Variants in WARS2 observed in about 807,000 individuals in gnomAD.
The protein encoded by WARS2 is tryptophan--tRNA ligase, mitochondrial.
Under a neutral mutation model 36.5 loss-of-function variants are expected in WARS2, and 28 were observed. The observed-to-expected ratio is 0.77, with a 90% CI of 0.57 to 1.05. The LOEUF (loss-of-function observed/expected upper bound fraction) is 1.05, where lower values mean the gene tolerates loss of function less well. Ranked by LOEUF, WARS2 falls within the 50% of genes least tolerant of loss-of-function variation. The pLI, the probability that WARS2 is intolerant of heterozygous loss-of-function variation, is 0.00. For synonymous variants in WARS2, 174 were observed against 178.4 expected, an observed-to-expected ratio of 0.98 and a Z score of 0.20; for missense variants, 435 against 456.8, an observed-to-expected ratio of 0.95 and a Z score of 0.44.
intron 2 of WARS2, among the ~76,000 whole-genome samples, chr1:119,048,534 T>A (rs1006929533): frequency 6.6e-6 from 1 of 152,176 alleles, no homozygotes. Context: ...TTTCCCTCAA[T>A]GGCAACATCA....
intron 2 of WARS2, among the ~76,000 whole-genome samples, chr1:119,046,287 T>TCCTCTCCTCC: frequency 1.3e-4 from 1 of 7,526 alleles, no homozygotes; most frequent in South Asian, 6.3e-3. Flanking sequence ...CCTTTTCTGT[T>TCCTCTCCTCC]TTTTTTTTTT....
At chr1:119,126,450 ACT>A (rs1655662527) in intron 1 of WARS2, 1 of 384,350 alleles carries the variant, frequency 2.6e-6, no homozygotes, top group Non-Finnish European at 4.8e-6. Context: ...GAATTCTCAC[ACT>A]CATGGTAACA....
chr1:119,089,514 C>T (rs587769521), intron 1 of WARS2, among the ~76,000 whole-genome samples: 1 of 152,260 alleles, frequency 6.6e-6, no homozygotes, highest in Non-Finnish European at 1.5e-5. Flanking sequence ...TGGCGTTGAA[C>T]ATGTACAAAA....
rs912133959 is a variant in WARS2, at chr1:119,034,197, C to G, written c.532G>C (p.Val178Leu). 1 of 1,613,928 alleles carries G rather than the reference C, an allele frequency of 6.2e-7. No homozygotes were observed. ...ATGTGCTGGACTTGATCCTCCCCAA[C>G]AGGAACGTGTGTGGACCTTTAATAA... Reference protein sequence around the residue: ...ILLYKSTHVPVGEDQVQHMEL... With the variant: ...ILLYKSTHVPLGEDQVQHMEL... The change falls in exon 5 of 6, where the codon GTT becomes CTT. Residue 178 changes from valine (V) to leucine (L), a missense_variant. Val to Leu is a conservative substitution (Grantham distance 32). Coordinates refer to ENST00000235521, the MANE Select transcript of WARS2 (RefSeq NM_015836.4).
intron 1 of WARS2, among the ~76,000 whole-genome samples, chr1:119,122,776 GTAACT>G (rs1226025338): frequency 6.6e-6 from 1 of 152,152 alleles, no homozygotes; most frequent in Non-Finnish European, 1.5e-5. Context: ...TCTAAGTGAA[GTAACT>G]TATGAATGGG....
chr1:119,088,547 A>G (rs1013643491), intron 1 of WARS2, among the ~76,000 whole-genome samples: 7 of 152,152 alleles, frequency 4.6e-5, no homozygotes, highest in Admixed American at 2.6e-4. Context: ...CTCTAATGCA[A>G]TGATTTAATC....
intron 2 of WARS2, 138 bp downstream of exon 2, chr1:119,076,212 G>GA (rs1651714766): frequency 2.8e-6 from 3 of 1,076,840 alleles, no homozygotes; most frequent in Non-Finnish European, 3.9e-6. Context: ...ACATTAAGCT[G>GA]AAAAAAATCA....
At chr1:119,053,998 A>T (rs903389950) in intron 2 of WARS2, among the ~76,000 whole-genome samples, 10 of 152,078 alleles carry the variant, frequency 6.6e-5, no homozygotes, top group Non-Finnish European at 1.5e-4. Context: ...TCAAGGCTGC[A>T]GTGAGCTATG....
chr1:119,059,227 TG>T (rs1461146634), intron 2 of WARS2, among the ~76,000 whole-genome samples: 1 of 152,094 alleles, frequency 6.6e-6, no homozygotes, highest in African/African-American at 2.4e-5. Flanking sequence ...ATGAGTAGGT[TG>T]TGAAAATTTT....
At chr1:119,073,147 C>G (rs1191432843) in intron 2 of WARS2, among the ~76,000 whole-genome samples, 2 of 147,730 alleles carry the variant, frequency 1.4e-5, no homozygotes, top group East Asian at 3.9e-4. Flanking sequence ...GACCATATCT[C>G]TAGTTCAAAA....
At chr1:119,098,909 G>C (rs587722024) in intron 1 of WARS2, among the ~76,000 whole-genome samples, 1 of 149,740 alleles carries the variant, frequency 6.7e-6, no homozygotes, top group African/African-American at 2.5e-5. Context: ...GCTAATTTTT[G>C]TATTTTTAGT....
intron 1 of WARS2, chr1:119,085,156 G>A (rs1408781555): frequency 1.5e-5 from 12 of 792,564 alleles, no homozygotes; most frequent in East Asian, 1.5e-4. Context: ...CCTGAGCTCC[G>A]CCCTCTGTCC....
chr1:119,042,684 C>A lies in WARS2; in HGVS notation c.430-335G>T, dbSNP rs190030800. On this transcript the variant is annotated intron_variant, in intron 3 of 5. Transcript: ENST00000235521. ...AAATTCCAGATTTCACAGACAAGGC[C>A]ACAAACCGTCATGAAATTAAATCTC... Among the ~76,000 whole-genome samples the A allele has an allele frequency of 8.7e-4, 132 of 151,970 alleles. 1 individual carries two copies. The highest frequency in any genetic ancestry group is 6.6e-4 in the Non-Finnish European group (45 of 67,956).
At position 119,031,637 on chromosome 1, in the gene WARS2, A is replaced by G. The variant is rs1405703291; in HGVS notation, c.*1274T>C. 2 of 152,238 alleles carry G rather than the reference A, an allele frequency of 1.3e-5. No individual in the cohort carries two copies. The highest frequency in any genetic ancestry group is 1.5e-5 in the Non-Finnish European group (1 of 68,060). 9.4% of individuals were successfully genotyped at this position (152,238 alleles called of 1,614,324 possible). A position where few individuals can be genotyped will look rare whatever the true frequency, so the allele number is the denominator to read the frequency against. On this transcript the variant is annotated 3_prime_UTR_variant, in exon 6 of 6. Transcript: ENST00000235521. ...CGATCTTGCTAACAGGTCTTGGTGT[A>G]TAAGTTAGGATTATCATTTTCATTT...
In WARS2 at chr1:119,057,592, C is replaced by T. The variant is rs926461273; in HGVS notation, c.349-11930G>A. Among the ~76,000 whole-genome samples, 3 of 151,510 alleles carry T rather than the reference C, an allele frequency of 2.0e-5. No individual in the cohort carries two copies. In the South Asian group the frequency reaches 6.2e-4, roughly 32 times the overall value. ...ATCACTTGAGGTCAGGAGTTCAAGA[C>T]CAGCCTGGCCAATGTGGTGAAACCC... is the stretch of plus-strand genomic sequence containing the variant. On this transcript the variant is annotated intron_variant, in intron 2 of 5. Coordinates refer to ENST00000235521, the MANE Select transcript of WARS2 (RefSeq NM_015836.4).
At chr1:119,093,600 T>C (rs773542254) in intron 1 of WARS2, among the ~76,000 whole-genome samples, 4 of 151,874 alleles carry the variant, frequency 2.6e-5, no homozygotes, top group Non-Finnish European at 4.4e-5. Context: ...ATCCCAAGGA[T>C]TGCGAAGAGC....
intron 1 of WARS2, among the ~76,000 whole-genome samples, chr1:119,110,679 C>A (rs1342150948): frequency 6.6e-6 from 1 of 151,926 alleles, no homozygotes; most frequent in Non-Finnish European, 1.5e-5. Context: ...TCTGTGTTTG[C>A]TGTCTAACAT....
chr1:119,108,025 T>A (rs1014808980), intron 1 of WARS2, among the ~76,000 whole-genome samples: 1 of 152,116 alleles, frequency 6.6e-6, no homozygotes, highest in Non-Finnish European at 1.5e-5. Context: ...CTGATATAAA[T>A]CCCACTTGAT....
intron 2 of WARS2, among the ~76,000 whole-genome samples, chr1:119,058,805 G>T (rs1165753255): frequency 7.0e-6 from 1 of 142,146 alleles, no homozygotes; most frequent in African/African-American, 2.8e-5. Flanking sequence ...ATGATTTATA[G>T]TCTTTTGGGT....
Sources: allele counts gnomAD v4.1 joint callset (sites outside exome capture counted in the v4.1 genomes callset), GRCh38; gene constraint gnomAD v4.1.1; transcripts MANE v1.5; gene names NCBI Gene and HGNC (gene_info 2026-07-23, HGNC 2026-07-21).